The following LHFPL3 variants were observed in gnomAD, a reference collection of about 807,000 sequenced individuals.
LHFPL3 encodes LHFPL tetraspan subfamily member 3 protein.
A neutral mutation model predicts 19.3 loss-of-function variants in LHFPL3; 5 were observed. That is an observed-to-expected ratio of 0.26 (90% CI 0.14 to 0.54). LHFPL3 has a LOEUF of 0.54. Ranked by LOEUF, LHFPL3 falls within the 20% of genes least tolerant of loss-of-function variation. The pLI, the probability that LHFPL3 is intolerant of heterozygous loss-of-function variation, is 0.94. For synonymous variants in LHFPL3, 133 were observed against 126.2 expected (o/e 1.05, Z -0.36); for missense variants, 249 against 307.4 (o/e 0.81, Z 1.42).
At chr7:104,600,864 G>T (rs983220563) in intron 1 of LHFPL3, among the ~76,000 whole-genome samples, 3 of 152,206 alleles carry the variant, frequency 2.0e-5, no homozygotes, top group African/African-American at 7.2e-5. Context: ...ATTCGCATCA[G>T]CTAAGGGGTA....
chr7:104,466,044 T>G (rs538248182), intron 1 of LHFPL3, among the ~76,000 whole-genome samples: 2 of 152,202 alleles, frequency 1.3e-5, no homozygotes, highest in Non-Finnish European at 2.9e-5. Flanking sequence ...TATTATGTTG[T>G]TTTTGGGTGG....
intron 2 of LHFPL3, among the ~76,000 whole-genome samples, chr7:104,835,047 G>T (rs552205970): frequency 6.6e-6 from 1 of 151,852 alleles, no homozygotes; most frequent in Non-Finnish European, 1.5e-5. Context: ...TTCCATAGCA[G>T]TTTAACCTCC....
At chr7:104,709,787 T>G (rs1233973035) in intron 1 of LHFPL3, among the ~76,000 whole-genome samples, 1 of 152,160 alleles carries the variant, frequency 6.6e-6, no homozygotes, top group African/African-American at 2.4e-5. Context: ...GAGGGGCTCC[T>G]CACTTCCTAG....
intron 1 of LHFPL3, among the ~76,000 whole-genome samples, chr7:104,427,855 A>G (rs1447507391): frequency 6.6e-6 from 1 of 152,210 alleles, no homozygotes; most frequent in Non-Finnish European, 1.5e-5. Context: ...AGCAATCACA[A>G]CTCAAAACAC....
intron 2 of LHFPL3, among the ~76,000 whole-genome samples, chr7:104,772,065 G>T (rs919941339): frequency 1.3e-5 from 2 of 151,906 alleles, no homozygotes; most frequent in African/African-American, 4.8e-5. Flanking sequence ...GTGATTGCCT[G>T]CCTCGGCCTC....
intron 1 of LHFPL3, among the ~76,000 whole-genome samples, chr7:104,491,163 A>G (rs145375881): frequency 5.1e-4 from 78 of 152,090 alleles, no homozygotes; most frequent in Admixed American, 1.8e-3. Flanking sequence ...AGGCTGTAAC[A>G]CTGTGTTGCA....
chr7:104,732,349 G>A (rs1473405195), intron 1 of LHFPL3, among the ~76,000 whole-genome samples: 2 of 152,154 alleles, frequency 1.3e-5, no homozygotes, highest in Admixed American at 6.5e-5. Flanking sequence ...GAATCCATCT[G>A]ATCCTGGACT....
chr7:104,421,691 G>A (rs567314065), intron 1 of LHFPL3, among the ~76,000 whole-genome samples: 5 of 152,300 alleles, frequency 3.3e-5, no homozygotes, highest in African/African-American at 1.2e-4. Flanking sequence ...ATAACATGAG[G>A]AAGGATAAGG....
intron 2 of LHFPL3, among the ~76,000 whole-genome samples, chr7:104,742,077 A>G (rs558646337): frequency 1.3e-5 from 2 of 152,210 alleles, no homozygotes; most frequent in African/African-American, 4.8e-5. Context: ...TGTGAAGTCA[A>G]TTTAATTATG....
At chr7:104,809,161 T>A (rs1190312813) in intron 2 of LHFPL3, among the ~76,000 whole-genome samples, 2 of 152,186 alleles carry the variant, frequency 1.3e-5, no homozygotes, top group Non-Finnish European at 1.5e-5. Flanking sequence ...CCTAAAGTGC[T>A]AGGATTACAG....
intron 1 of LHFPL3, among the ~76,000 whole-genome samples, chr7:104,336,091 G>C (rs1436379059): frequency 2.6e-5 from 4 of 152,002 alleles, no homozygotes; most frequent in Non-Finnish European, 5.9e-5. Flanking sequence ...GAACTTTGGG[G>C]GTCAGCACCA....
At chr7:104,345,409 T>C (rs1482743989) in intron 1 of LHFPL3, among the ~76,000 whole-genome samples, 3 of 152,202 alleles carry the variant, frequency 2.0e-5, no homozygotes, top group Non-Finnish European at 4.4e-5. Flanking sequence ...TAGTCTCTTG[T>C]TCTTTTTCTA....
chr7:104,822,979 T>C (rs74974817), intron 2 of LHFPL3, among the ~76,000 whole-genome samples: 1,937 of 152,180 alleles, frequency 0.013, 55 homozygotes, highest in African/African-American at 0.044. Context: ...CCAAAGTACC[T>C]TGGGGTCCCA....
At chr7:104,575,743 C>G (rs1454765436) in intron 1 of LHFPL3, among the ~76,000 whole-genome samples, 2 of 151,920 alleles carry the variant, frequency 1.3e-5, no homozygotes, top group Non-Finnish European at 2.9e-5. Context: ...CCTCTCCGGG[C>G]TCAGGTGATC....
At chr7:104,338,099 T>C (rs1028877772) in intron 1 of LHFPL3, among the ~76,000 whole-genome samples, 19 of 133,106 alleles carry the variant, frequency 1.4e-4, no homozygotes, top group Non-Finnish European at 2.9e-4. Context: ...TTTTCTTTTT[T>C]TTTTTTTTTT....
rs1006871165 is a variant in LHFPL3, at chr7:104,866,089, G to A, written c.683-40098G>A. On this transcript the variant is annotated intron_variant, in intron 2 of 2. Coordinates refer to ENST00000424859, the MANE Select transcript of LHFPL3 (RefSeq NM_199000.3). Reference sequence around the variant, plus strand: ...TCCTGAAGGAAGCACTAAACATGGAGAGAAACAAGCGGTCCCAGCCACTGC... The same window carrying A: ...TCCTGAAGGAAGCACTAAACATGGAAAGAAACAAGCGGTCCCAGCCACTGC... 3.9e-5 allele frequency among the ~76,000 whole-genome samples: 6 copies of A among 152,138 alleles called. No homozygotes were observed. In the East Asian group the frequency reaches 1.2e-3, roughly 29 times the overall value.
chr7:104,828,097 C>G (rs1345440080), intron 2 of LHFPL3, among the ~76,000 whole-genome samples: 1 of 151,956 alleles, frequency 6.6e-6, no homozygotes, highest in Non-Finnish European at 1.5e-5. Context: ...CAAGAGGAAA[C>G]AGAGAACCCT....
intron 1 of LHFPL3, among the ~76,000 whole-genome samples, chr7:104,576,545 G>A (rs1485746511): frequency 6.6e-6 from 1 of 152,176 alleles, no homozygotes; most frequent in Non-Finnish European, 1.5e-5. Flanking sequence ...TCTAAACAAA[G>A]AGTAGATTCA....
At chr7:104,864,578 C>A (rs935551223) in intron 2 of LHFPL3, among the ~76,000 whole-genome samples, 2 of 152,004 alleles carry the variant, frequency 1.3e-5, no homozygotes, top group Admixed American at 1.3e-4. Context: ...GAGGGGCGCC[C>A]GCCATTGCAG....
Sources: gnomAD v4.1 joint callset for allele counts (sites outside exome capture counted in the v4.1 genomes callset) on GRCh38, gnomAD v4.1.1 for gene constraint, MANE v1.5 for transcripts, NCBI Gene and HGNC (gene_info 2026-07-23, HGNC 2026-07-21) for gene names.